Variants in ZNF81 observed in about 807,000 individuals in gnomAD.
The protein encoded by ZNF81 is zinc finger protein 81 (HFZ20).
In ZNF81, 5 loss-of-function variants were observed where a neutral mutation model predicts 32.3. The observed-to-expected ratio is 0.15, with a 90% CI of 0.08 to 0.33. The LOEUF (loss-of-function observed/expected upper bound fraction) is 0.33. Among genes scored for constraint, ZNF81 ranks in the 10% least tolerant of loss-of-function variants. ZNF81 has a pLI of 1.00. For missense variants in ZNF81, 379 were observed against 479.8 expected, an observed-to-expected ratio of 0.79 and a Z score of 1.96; for synonymous variants, 163 against 166.8, an observed-to-expected ratio of 0.98 and a Z score of 0.17.
At chrX:47,896,071 C>G (rs2058679022) in intron 4 of ZNF81, 131 bp downstream of exon 4, 5 of 487,638 alleles carry the variant, frequency 1.0e-5, no homozygotes, top group Non-Finnish European at 1.7e-5. Flanking sequence ...GGATAGGTAG[C>G]ATTGGCCTCT....
At chrX:47,872,032 C>T (rs895125200) in intron 2 of ZNF81, among the ~76,000 whole-genome samples, 2 of 112,416 alleles carry the variant, frequency 1.8e-5, no homozygotes, top group African/African-American at 3.2e-5. Context: ...AAAGCCTCTT[C>T]GGATTCTAGG....
chrX:47,855,921 C>T (rs1033239016), intron 2 of ZNF81, among the ~76,000 whole-genome samples: 3 of 107,953 alleles, frequency 2.8e-5, no homozygotes, highest in Admixed American at 1.0e-4. Context: ...TGATGGTGCA[C>T]GCCTGTAATC....
intron 1 of ZNF81, among the ~76,000 whole-genome samples, chrX:47,838,133 T>G (rs2058432603): frequency 8.9e-6 from 1 of 112,481 alleles, no homozygotes; most frequent in South Asian, 3.6e-4. Flanking sequence ...TGCTTATATA[T>G]AGGAATACAA....
intron 2 of ZNF81, among the ~76,000 whole-genome samples, chrX:47,874,272 C>T (rs2058591162): frequency 8.9e-6 from 1 of 112,066 alleles, no homozygotes. Context: ...TTTAATGGGT[C>T]CCTAAAGTCC....
intron 2 of ZNF81, among the ~76,000 whole-genome samples, chrX:47,887,326 G>T (rs2058645796): frequency 9.0e-6 from 1 of 111,611 alleles, no homozygotes; most frequent in East Asian, 2.8e-4. Flanking sequence ...TTTAACATTT[G>T]TCAGTTTTTA....
intron 2 of ZNF81, among the ~76,000 whole-genome samples, chrX:47,855,054 A>G (rs1376298380): frequency 9.1e-6 from 1 of 110,220 alleles, no homozygotes; most frequent in African/African-American, 3.3e-5. Context: ...AGATCATGCC[A>G]CTGCACTCCA....
intron 2 of ZNF81, among the ~76,000 whole-genome samples, chrX:47,859,291 C>A: frequency 9.0e-6 from 1 of 111,317 alleles, no homozygotes; most frequent in Non-Finnish European, 1.9e-5. Context: ...AGTTTTCCTT[C>A]AGCCTTGTAT....
intron 2 of ZNF81, among the ~76,000 whole-genome samples, chrX:47,859,526 A>G (rs1254152006): frequency 8.9e-6 from 1 of 111,762 alleles, no homozygotes; most frequent in African/African-American, 3.3e-5. Flanking sequence ...TTGTTTTTTT[A>G]ATCACTTCAA....
chrX:47,837,974 GTCTC>G (rs1174451808), intron 1 of ZNF81, among the ~76,000 whole-genome samples: 2 of 112,118 alleles, frequency 1.8e-5, no homozygotes, highest in African/African-American at 3.2e-5. Flanking sequence ...TACATAGTAT[GTCTC>G]TCTATTTATT....
rs1331822178 is a variant in ZNF81, at chrX:47,919,781, C to A, written c.*3149C>A. The A allele has an allele frequency of 1.8e-5, 2 of 111,631 alleles. No individual in the cohort carries two copies. The highest frequency in any genetic ancestry group is 2.8e-4 in the East Asian group (1 of 3,577). The allele number at this position is 111,631 out of a possible 1,213,427, so 9.2% of individuals were successfully genotyped here. ...CACCCAAAGGCTCCACCTCCTAATACCATCACATTGAGGATTAGGATTTTA... is the reference window on the plus strand; with the variant it reads ...CACCCAAAGGCTCCACCTCCTAATAACATCACATTGAGGATTAGGATTTTA... On this transcript the variant is annotated 3_prime_UTR_variant, in exon 5 of 5. Coordinates refer to ENST00000338637, the MANE Select transcript of ZNF81 (RefSeq NM_007137.5).
Position 47,862,612 on chromosome X carries a change from C to T in ZNF81, c.54+16291C>T, listed in dbSNP as rs140986927. On this transcript the variant is annotated intron_variant, in intron 2 of 4. Transcript: ENST00000338637. ...GTGTTGTTTAAAACTGAGGGGGCTC[C>T]CTAAGTAGGAACCACAGCAGTCCAG... Among the ~76,000 whole-genome samples, 408 of 111,761 alleles carry T rather than the reference C, an allele frequency of 3.7e-3. 1 individual carries two copies. Among genetic ancestry groups the T allele is most frequent in the Non-Finnish European group, 5.3e-3 (280 of 53,142 alleles).
chrX:47,901,082 C>A (rs2058696684), intron 4 of ZNF81, among the ~76,000 whole-genome samples: 1 of 110,422 alleles, frequency 9.1e-6, no homozygotes, highest in Non-Finnish European at 1.9e-5. Flanking sequence ...GACCCCCCTA[C>A]AAAATCTGCC....
At position 47,918,997 on chromosome X, in the gene ZNF81, G is replaced by A; in HGVS notation, c.*2365G>A. The stretch of plus-strand genomic sequence containing the variant: ...CATGTAACTTGTCATTTAGCTCACA[G>A]GTATCTGGATCAAGAAACTGAAAAA... On this transcript the variant is annotated 3_prime_UTR_variant, in exon 5 of 5. Transcript: ENST00000338637. The A allele has an allele frequency of 7.5e-6, 2 of 266,490 alleles. No individual in the cohort carries two copies. Among genetic ancestry groups the A allele is most frequent in the South Asian group, 7.2e-5 (2 of 27,638 alleles). 22.0% of individuals were successfully genotyped at this position (266,490 alleles called of 1,213,427 possible).
chrX:47,881,259 C>CA (rs1556885126), intron 2 of ZNF81, among the ~76,000 whole-genome samples: 2 of 112,091 alleles, frequency 1.8e-5, no homozygotes, highest in African/African-American at 6.5e-5. Flanking sequence ...CAGTACTGCA[C>CA]AAAGCCCTCT....
At chrX:47,891,122 G>T (rs1556886419) in intron 3 of ZNF81, among the ~76,000 whole-genome samples, 1 of 112,252 alleles carries the variant, frequency 8.9e-6, no homozygotes. Context: ...CTCTGAGGTA[G>T]GACAGTACAG....
At chrX:47,899,094 T>G (rs1556887597) in intron 4 of ZNF81, among the ~76,000 whole-genome samples, 1 of 111,409 alleles carries the variant, frequency 9.0e-6, no homozygotes, top group African/African-American at 3.3e-5. Flanking sequence ...TAATTTCTTT[T>G]CATTATTTTA....
chrX:47,843,190 A>G (rs2058456927), intron 1 of ZNF81, among the ~76,000 whole-genome samples: 2 of 110,973 alleles, frequency 1.8e-5, no homozygotes, highest in South Asian at 3.8e-4. Context: ...ATAATACTCT[A>G]TTGTATATAT....
At chrX:47,851,173 A>T (rs1191943509) in intron 2 of ZNF81, among the ~76,000 whole-genome samples, 2 of 112,322 alleles carry the variant, frequency 1.8e-5, no homozygotes, top group African/African-American at 6.5e-5. Context: ...AATTGTACAC[A>T]ACACTGCAAT....
intron 2 of ZNF81, among the ~76,000 whole-genome samples, chrX:47,864,551 T>G (rs1556882999): frequency 8.9e-6 from 1 of 111,863 alleles, no homozygotes; most frequent in Non-Finnish European, 1.9e-5. Context: ...ATGGGTAATC[T>G]TTTAGAAGGA....
Sources: allele counts gnomAD v4.1 joint callset (sites outside exome capture counted in the v4.1 genomes callset), GRCh38; gene constraint gnomAD v4.1.1; transcripts MANE v1.5; gene names NCBI Gene and HGNC (gene_info 2026-07-23, HGNC 2026-07-21).